ADAMTSL1: variants seen among roughly 807,000 people sequenced by gnomAD.
The protein encoded by ADAMTSL1 is ADAMTS like 1.
In ADAMTSL1, 126 loss-of-function variants were observed where a neutral mutation model predicts 201.8. That is an observed-to-expected ratio of 0.62 (90% CI 0.54 to 0.72). The LOEUF is 0.72. Ranked by LOEUF, ADAMTSL1 falls within the 30% of genes least tolerant of loss-of-function variation. The probability of loss-of-function intolerance (pLI) is 0.00; values close to 1 mark genes in which losing one functional copy is unlikely to be tolerated. For synonymous variants in ADAMTSL1, 1,121 were observed against 903.4 expected (o/e 1.24, Z -4.32); for missense variants, 2,679 against 2,277.8 (o/e 1.18, Z -3.59).
At chr9:18,029,180 C>G (rs1377949213) in intron 1 of ADAMTSL1, among the ~76,000 whole-genome samples, 1 of 152,122 alleles carries the variant, frequency 6.6e-6, no homozygotes, top group Non-Finnish European at 1.5e-5. Context: ...ATGGGGTTTT[C>G]TAGATATACA....
intron 10 of ADAMTSL1, among the ~76,000 whole-genome samples, chr9:18,678,194 C>CT (rs1341724321): frequency 6.6e-6 from 1 of 152,080 alleles, no homozygotes; most frequent in African/African-American, 2.4e-5. Context: ...CTTAAACACA[C>CT]TCTGTGTTTA....
At chr9:18,340,508 C>G (rs1455949957) in intron 2 of ADAMTSL1, among the ~76,000 whole-genome samples, 1 of 152,092 alleles carries the variant, frequency 6.6e-6, no homozygotes, top group Admixed American at 6.6e-5. Flanking sequence ...CCTTTGTTTC[C>G]TGTGACTCAA....
intron 15 of ADAMTSL1, among the ~76,000 whole-genome samples, chr9:18,751,468 G>T (rs1296100871): frequency 6.6e-6 from 1 of 152,132 alleles, no homozygotes; most frequent in East Asian, 1.9e-4. Flanking sequence ...TAAAATGAAG[G>T]TAATCAATAG....
chr9:18,459,106 A>G (rs7019563), intron 2 of ADAMTSL1, among the ~76,000 whole-genome samples: 1 of 152,208 alleles, frequency 6.6e-6, no homozygotes, highest in Non-Finnish European at 1.5e-5. Flanking sequence ...GAGAAGCCCT[A>G]TACTCAAAAT....
chr9:18,792,892 C>G (rs748874071), intron 19 of ADAMTSL1, among the ~76,000 whole-genome samples: 12 of 152,152 alleles, frequency 7.9e-5, no homozygotes, highest in Non-Finnish European at 1.5e-4. Context: ...TCGAAATAAA[C>G]TAACATGTAA....
At chr9:17,984,429 A>G (rs1818841063) in intron 1 of ADAMTSL1, among the ~76,000 whole-genome samples, 1 of 152,072 alleles carries the variant, frequency 6.6e-6, no homozygotes, top group Admixed American at 6.6e-5. Flanking sequence ...TTTTTTCTTT[A>G]CTAGTTTCTT....
chr9:18,568,598 CT>C (rs1822088462), intron 3 of ADAMTSL1, among the ~76,000 whole-genome samples: 1 of 152,090 alleles, frequency 6.6e-6, no homozygotes, highest in South Asian at 2.1e-4. Context: ...AGATGCCTTG[CT>C]AGGCAGTTCT....
At chr9:18,374,083 A>G (rs1403053763) in intron 2 of ADAMTSL1, among the ~76,000 whole-genome samples, 1 of 152,156 alleles carries the variant, frequency 6.6e-6, no homozygotes. Flanking sequence ...GGAGATTCTG[A>G]CTTAATTGGA....
chr9:17,985,673 C>T (rs953801319), intron 1 of ADAMTSL1, among the ~76,000 whole-genome samples: 1 of 152,076 alleles, frequency 6.6e-6, no homozygotes, highest in Non-Finnish European at 1.5e-5. Flanking sequence ...CATAATTATA[C>T]ACAGAATTCC....
chr9:18,086,714 G>A (rs1483531557), intron 1 of ADAMTSL1, among the ~76,000 whole-genome samples: 1 of 152,186 alleles, frequency 6.6e-6, no homozygotes, highest in East Asian at 1.9e-4. Context: ...GCATTTAAAT[G>A]ATTTTGTACA....
chr9:18,711,591 G>A (rs1395877857), intron 14 of ADAMTSL1, among the ~76,000 whole-genome samples: 2 of 152,244 alleles, frequency 1.3e-5, no homozygotes, highest in Non-Finnish European at 2.9e-5. Flanking sequence ...GGCTCGGAGG[G>A]TCCTACGCCC....
chr9:18,290,049 C>T (rs77490066), intron 2 of ADAMTSL1, among the ~76,000 whole-genome samples: 8,852 of 152,184 alleles, frequency 0.058, 346 homozygotes, highest in Non-Finnish European at 0.086. Context: ...TGTGAGTGTG[C>T]CTGTGCCTTC....
chr9:18,839,309 T>C (rs1477928063), intron 23 of ADAMTSL1, among the ~76,000 whole-genome samples: 2 of 151,836 alleles, frequency 1.3e-5, no homozygotes, highest in East Asian at 3.9e-4. Flanking sequence ...TTACAATAGT[T>C]TACTGAGAAT....
In ADAMTSL1 at chr9:17,910,867, A is replaced by G. The variant is rs1825886367; in HGVS notation, c.87+3945A>G. Among the ~76,000 whole-genome samples, 3 of 69,068 alleles carry G rather than the reference A, an allele frequency of 4.3e-5. 1 individual carries two copies. Among genetic ancestry groups the G allele is most frequent in the African/African-American group, 8.8e-5 (3 of 34,196 alleles). 45.3% of individuals were successfully genotyped at this position (69,068 alleles called of 152,430 possible). A position where few individuals can be genotyped will look rare whatever the true frequency, so the allele number is the denominator to read the frequency against. On this transcript the variant is annotated intron_variant, in intron 1 of 29. Transcript: ENST00000680146. ...TCAAGAAGAAATCATTCTATGATCG[A>G]TAGCCAGTGCCAGATGATTTGAACA...
chr9:18,097,608 C>T (rs73645715), intron 1 of ADAMTSL1, among the ~76,000 whole-genome samples: 1 of 152,152 alleles, frequency 6.6e-6, no homozygotes, highest in Non-Finnish European at 1.5e-5. Flanking sequence ...TTTCATCAAT[C>T]TAATGCATGT....
intron 20 of ADAMTSL1, among the ~76,000 whole-genome samples, chr9:18,803,753 T>C (rs1226123924): frequency 1.3e-5 from 2 of 152,234 alleles, no homozygotes; most frequent in African/African-American, 4.8e-5. Flanking sequence ...AACATGTCTG[T>C]GCTCTGAATA....
chr9:18,311,722 A>C (rs1834165021), intron 2 of ADAMTSL1, among the ~76,000 whole-genome samples: 1 of 152,200 alleles, frequency 6.6e-6, no homozygotes, highest in Admixed American at 6.5e-5. Context: ...TGTCATATTG[A>C]CAAGGAGGCA....
intron 1 of ADAMTSL1, among the ~76,000 whole-genome samples, chr9:18,152,909 G>C (rs2132050832): frequency 6.6e-6 from 1 of 152,084 alleles, no homozygotes. Flanking sequence ...TAATCCCACG[G>C]ATTGTCAAAT....
intron 3 of ADAMTSL1, 49 bp from the exon 4 acceptor site, chr9:18,573,981 G>A (rs201595808): frequency 6.7e-7 from 1 of 1,482,998 alleles, no homozygotes; most frequent in Non-Finnish European, 9.3e-7. Context: ...TTTCATGTTT[G>A]GGGGTATCCT....
Sources: gnomAD v4.1 joint callset for allele counts (sites outside exome capture counted in the v4.1 genomes callset) on GRCh38, gnomAD v4.1.1 for gene constraint, MANE v1.5 for transcripts, NCBI Gene and HGNC (gene_info 2026-07-23, HGNC 2026-07-21) for gene names.